The following PLCXD3 variants were observed in gnomAD, a reference collection of about 807,000 sequenced individuals.
The protein encoded by PLCXD3 is PI-PLC X domain-containing protein 3.
A neutral mutation model predicts 25.5 loss-of-function variants in PLCXD3; 19 were observed. The observed-to-expected ratio is 0.75, with a 90% confidence interval of 0.52 to 1.09. The LOEUF (loss-of-function observed/expected upper bound fraction) is 1.09. Among genes scored for constraint, PLCXD3 ranks in the 50% least tolerant of loss-of-function variants. PLCXD3 has a pLI of 0.00. For missense variants in PLCXD3, 411 were observed against 388.1 expected (o/e 1.06, Z -0.50); for synonymous variants, 174 against 137.6 (o/e 1.26, Z -1.85).
At chr5:41,404,539 A>G (rs568952657) in intron 1 of PLCXD3, among the ~76,000 whole-genome samples, 4 of 152,160 alleles carry the variant, frequency 2.6e-5, no homozygotes, top group African/African-American at 9.7e-5. Context: ...AAGAATATTT[A>G]CTACCATCTG....
intron 1 of PLCXD3, among the ~76,000 whole-genome samples, chr5:41,453,579 G>A (rs951986896): frequency 5.9e-5 from 9 of 151,726 alleles, no homozygotes; most frequent in East Asian, 5.8e-4. Context: ...TTACCTCATC[G>A]GTAAAATTGG....
At chr5:41,417,368 G>T (rs1306856343) in intron 1 of PLCXD3, among the ~76,000 whole-genome samples, 5 of 152,128 alleles carry the variant, frequency 3.3e-5, no homozygotes, top group Non-Finnish European at 1.5e-5. Context: ...GCTGATTTTT[G>T]GGTCAGCCTC....
chr5:41,404,339 ATACT>A (rs1056383117), intron 1 of PLCXD3, among the ~76,000 whole-genome samples: 7 of 152,132 alleles, frequency 4.6e-5, no homozygotes, highest in African/African-American at 1.7e-4. Context: ...AAGTACTATA[ATACT>A]TACAATTCCT....
chr5:41,480,978 T>C (rs562509290), intron 1 of PLCXD3, among the ~76,000 whole-genome samples: 3 of 151,982 alleles, frequency 2.0e-5, no homozygotes, highest in East Asian at 1.9e-4. Context: ...CATTAAAGTA[T>C]ACTAACACTG....
chr5:41,373,296 T>C (rs1561249784), intron 2 of PLCXD3, among the ~76,000 whole-genome samples: 1 of 152,170 alleles, frequency 6.6e-6, no homozygotes, highest in Admixed American at 6.6e-5. Context: ...ACATAACATG[T>C]CTCTGTGTCT....
intron 1 of PLCXD3, among the ~76,000 whole-genome samples, chr5:41,406,799 G>T (rs189260037): frequency 6.6e-5 from 10 of 152,246 alleles, no homozygotes; most frequent in Admixed American, 5.2e-4. Context: ...TCAGCCTCTA[G>T]AATGGATTTA....
chr5:41,438,609 C>A (rs1274490227), intron 1 of PLCXD3, among the ~76,000 whole-genome samples: 2 of 152,136 alleles, frequency 1.3e-5, no homozygotes, highest in African/African-American at 4.8e-5. Context: ...GTTCCTCTTT[C>A]CTTTTTCCCT....
intron 1 of PLCXD3, among the ~76,000 whole-genome samples, chr5:41,421,409 A>T (rs1746818993): frequency 6.6e-6 from 1 of 152,172 alleles, no homozygotes; most frequent in Non-Finnish European, 1.5e-5. Context: ...TCCTTAAAAA[A>T]TACTCTTTGG....
intron 1 of PLCXD3, among the ~76,000 whole-genome samples, chr5:41,426,588 T>A (rs1204880367): frequency 6.6e-6 from 1 of 152,030 alleles, no homozygotes; most frequent in Non-Finnish European, 1.5e-5. Flanking sequence ...TTGAAAAACA[T>A]AATGATATGA....
chr5:41,485,357 T>TA (rs1431972244), intron 1 of PLCXD3, among the ~76,000 whole-genome samples: 5 of 152,174 alleles, frequency 3.3e-5, no homozygotes, highest in African/African-American at 4.8e-5. Flanking sequence ...GTTTACTACT[T>TA]AAAAAATCAC....
At chr5:41,460,088 A>G (rs955462714) in intron 1 of PLCXD3, among the ~76,000 whole-genome samples, 3 of 151,930 alleles carry the variant, frequency 2.0e-5, no homozygotes, top group African/African-American at 2.4e-5. Context: ...TATGTTTTCC[A>G]CACAAAGATA....
intron 2 of PLCXD3, among the ~76,000 whole-genome samples, chr5:41,328,256 G>A (rs1743690794): frequency 6.6e-6 from 1 of 152,112 alleles, no homozygotes; most frequent in African/African-American, 2.4e-5. Flanking sequence ...CTCTGTAGTG[G>A]TGTCACATTC....
chr5:41,420,537 C>G (rs537409896), intron 1 of PLCXD3, among the ~76,000 whole-genome samples: 1 of 152,310 alleles, frequency 6.6e-6, no homozygotes, highest in East Asian at 1.9e-4. Flanking sequence ...AGGAATCAAA[C>G]TGTCAGGGTC....
At chr5:41,364,251 T>C (rs867574198) in intron 2 of PLCXD3, among the ~76,000 whole-genome samples, 4 of 152,214 alleles carry the variant, frequency 2.6e-5, no homozygotes, top group Admixed American at 6.5e-5. Context: ...AAAATGTCTA[T>C]ATTGCCGAGG....
At chr5:41,409,083 C>A (rs1478723142) in intron 1 of PLCXD3, among the ~76,000 whole-genome samples, 1 of 152,158 alleles carries the variant, frequency 6.6e-6, no homozygotes, top group African/African-American at 2.4e-5. Flanking sequence ...GCCTTAGCCT[C>A]CAAGAGCCTG....
chr5:41,465,250 G>A (rs537756571), intron 1 of PLCXD3, among the ~76,000 whole-genome samples: 1 of 150,750 alleles, frequency 6.6e-6, no homozygotes, highest in South Asian at 2.1e-4. Flanking sequence ...GTAGTTTCAT[G>A]GAGGCCTCAG....
intron 1 of PLCXD3, among the ~76,000 whole-genome samples, chr5:41,449,386 TAAC>T (rs1300580954): frequency 6.6e-6 from 1 of 152,224 alleles, no homozygotes; most frequent in Non-Finnish European, 1.5e-5. Flanking sequence ...AATTTCATAA[TAAC>T]TTTCTAATTT....
intron 1 of PLCXD3, among the ~76,000 whole-genome samples, chr5:41,435,111 A>C (rs1282864057): frequency 2.0e-5 from 3 of 152,246 alleles, no homozygotes; most frequent in Non-Finnish European, 4.4e-5. Context: ...ATCTATGTGT[A>C]CAAAGGCACA....
At chr5:41,340,256 C>T in intron 2 of PLCXD3, among the ~76,000 whole-genome samples, 1 of 152,234 alleles carries the variant, frequency 6.6e-6, no homozygotes, top group East Asian at 1.9e-4. Context: ...TTGCAACTCA[C>T]TGCACGTAGT....
Sources: gnomAD v4.1 joint callset for allele counts (sites outside exome capture counted in the v4.1 genomes callset) on GRCh38, gnomAD v4.1.1 for gene constraint, MANE v1.5 for transcripts, NCBI Gene and HGNC (gene_info 2026-07-23, HGNC 2026-07-21) for gene names.